The following PPP2R2D variants were observed in gnomAD, a reference collection of about 807,000 sequenced individuals.
The protein encoded by PPP2R2D is protein phosphatase 2 regulatory subunit Bdelta.
In PPP2R2D, 9 loss-of-function variants were observed where a neutral mutation model predicts 31.1. The observed-to-expected ratio is 0.29, with a 90% CI of 0.17 to 0.51. The LOEUF (loss-of-function observed/expected upper bound fraction) is 0.51, where lower values mean the gene tolerates loss of function less well. Ranked by LOEUF, PPP2R2D falls within the 20% of genes least tolerant of loss-of-function variation. The pLI is 0.98. For missense variants in PPP2R2D, 391 were observed against 465.6 expected (o/e 0.84, Z 1.48); for synonymous variants, 179 against 172.6 (o/e 1.04, Z -0.29).
At chr10:131,910,255 C>T (rs1019190948) in intron 2 of PPP2R2D, among the ~76,000 whole-genome samples, 4 of 152,174 alleles carry the variant, frequency 2.6e-5, no homozygotes, top group African/African-American at 9.6e-5. Flanking sequence ...TTGGTAACAT[C>T]ACACGGGGGT....
intron 3 of PPP2R2D, among the ~76,000 whole-genome samples, chr10:131,936,831 T>C (rs2036350228): frequency 6.6e-6 from 1 of 152,254 alleles, no homozygotes; most frequent in Non-Finnish European, 1.5e-5. Context: ...TTTTTTCTTT[T>C]TCTTCGTATT....
At chr10:131,909,796 T>C (rs1281289269) in intron 2 of PPP2R2D, among the ~76,000 whole-genome samples, 1 of 152,244 alleles carries the variant, frequency 6.6e-6, no homozygotes, top group African/African-American at 2.4e-5. Flanking sequence ...CTGTTGATGT[T>C]TTCTATATTT....
chr10:131,919,624 GTGTT>G (rs1369811897), intron 2 of PPP2R2D, among the ~76,000 whole-genome samples: 5 of 123,596 alleles, frequency 4.0e-5, no homozygotes, highest in East Asian at 2.8e-4. Context: ...GAATGACACA[GTGTT>G]TGTAGGGACC....
intron 2 of PPP2R2D, among the ~76,000 whole-genome samples, chr10:131,913,683 A>G (rs914404474): frequency 5.8e-4 from 88 of 152,292 alleles, no homozygotes; most frequent in African/African-American, 1.7e-3. Flanking sequence ...ATCTGAGAGT[A>G]CACTTACCAA....
chr10:131,923,329 TCAAA>T (rs141339143), intron 2 of PPP2R2D, among the ~76,000 whole-genome samples: 1,861 of 152,354 alleles, frequency 0.012, 17 homozygotes, highest in Admixed American at 0.024. Flanking sequence ...CCTTTCCTGG[TCAAA>T]CAGTTTTCCA....
intron 2 of PPP2R2D, among the ~76,000 whole-genome samples, chr10:131,925,457 T>A (rs2036087993): frequency 6.6e-6 from 1 of 152,256 alleles, no homozygotes; most frequent in African/African-American, 2.4e-5. Flanking sequence ...TGATTTGTTT[T>A]TGTATGTTAA....
chr10:131,930,987 T>G (rs782246999), intron 2 of PPP2R2D, among the ~76,000 whole-genome samples: 4 of 152,250 alleles, frequency 2.6e-5, no homozygotes, highest in Non-Finnish European at 5.9e-5. Context: ...TCCTCTTTCC[T>G]TCTTTAGCAT....
At chr10:131,928,252 G>C (rs1008934878) in intron 2 of PPP2R2D, among the ~76,000 whole-genome samples, 1 of 152,132 alleles carries the variant, frequency 6.6e-6, no homozygotes, top group African/African-American at 2.4e-5. Flanking sequence ...CACCTCCTGG[G>C]CTGCTAGGCC....
At chr10:131,952,766 ACTGT>A (rs2036695399) in intron 8 of PPP2R2D, among the ~76,000 whole-genome samples, 2 of 89,412 alleles carry the variant, frequency 2.2e-5, no homozygotes, top group African/African-American at 9.8e-5. Flanking sequence ...CGGGGGGTTC[ACTGT>A]CTTAGTGACT....
chr10:131,926,904 G>A (rs1336099929), intron 2 of PPP2R2D, among the ~76,000 whole-genome samples: 1 of 152,218 alleles, frequency 6.6e-6, no homozygotes, highest in Non-Finnish European at 1.5e-5. Flanking sequence ...TGCCAGAGTA[G>A]GGGTGCGTTG....
Position 131,947,161 on chromosome 10 carries a change from C to G in PPP2R2D, c.821-369C>G, listed in dbSNP as rs2036557989. Among the ~76,000 whole-genome samples the G allele has an allele frequency of 6.6e-6, 1 of 152,232 alleles. No individual in the cohort carries two copies. On this transcript the variant is annotated intron_variant, in intron 7 of 8. Transcript: ENST00000455566. The surrounding 1 kb of genome is among the most constrained non-coding windows in gnomAD (Gnocchi z 4.3). ...CTGGTGCCATGAGGACGCGGAGACA[C>G]TCCTACAGGAATGCGGTGGTGCTGA...
rs973847496 is a variant in PPP2R2D at position 131,907,800 on chromosome 10, C to T, written c.100+6470C>T. 1.1e-4 allele frequency among the ~76,000 whole-genome samples: 17 copies of T among 151,724 alleles called. 1 individual carries two copies. Among genetic ancestry groups the T allele is most frequent in the South Asian group, 2.1e-4 (1 of 4,816 alleles). On this transcript the variant is annotated intron_variant, in intron 2 of 8. Coordinates refer to ENST00000455566, the MANE Select transcript of PPP2R2D (RefSeq NM_018461.5). ...CATGCTTAGTACAGCCACATCTTAA[C>T]GCTCAGGAGGCTGGCCTGGTCATCG...
intron 3 of PPP2R2D, among the ~76,000 whole-genome samples, chr10:131,937,800 C>G (rs1554896689): frequency 1.3e-5 from 2 of 152,222 alleles, no homozygotes; most frequent in Non-Finnish European, 2.9e-5. Context: ...TTTGGTTCCA[C>G]TTTTCTCCCT....
chr10:131,948,167 T>C (rs1238248302), intron 8 of PPP2R2D, among the ~76,000 whole-genome samples: 2 of 152,214 alleles, frequency 1.3e-5, no homozygotes, highest in African/African-American at 4.8e-5. Flanking sequence ...CCTTTCCTTC[T>C]GGAGAGAAGT....
intron 2 of PPP2R2D, among the ~76,000 whole-genome samples, chr10:131,922,495 C>T (rs1421402384): frequency 2.7e-4 from 40 of 150,930 alleles, no homozygotes; most frequent in East Asian, 3.9e-4. Context: ...CACTGTCACC[C>T]GGGCTGGAGT....
chr10:131,901,020 C>CCGGCGGCGGCGGCGGCGGCGGCGG lies in PPP2R2D; in HGVS notation c.-126_-103dup, dbSNP rs1229531944. 2.1e-3 allele frequency: 331 copies of CCGGCGGCGGCGGCGGCGGCGGCGG among 154,106 alleles called. 1 individual carries two copies. Among genetic ancestry groups the CCGGCGGCGGCGGCGGCGGCGGCGG allele is most frequent in the Admixed American group, 9.7e-3 (145 of 14,886 alleles). 9.5% of individuals were successfully genotyped at this position (154,106 alleles called of 1,614,324 possible). The stretch of plus-strand genomic sequence containing the variant: ...TTTGAAAAGGGAAAAAAATCCCTCC[C>CCGGCGGCGGCGGCGGCGGCGGCGG]CGGCGGCGGCGGCGGCGGCGGCGGC... On this transcript the variant is annotated 5_prime_UTR_variant, in exon 1 of 9. Coordinates refer to ENST00000455566, the MANE Select transcript of PPP2R2D (RefSeq NM_018461.5).
At chr10:131,915,341 C>T (rs974424450) in intron 2 of PPP2R2D, among the ~76,000 whole-genome samples, 1 of 152,070 alleles carries the variant, frequency 6.6e-6, no homozygotes, top group Admixed American at 6.6e-5. Flanking sequence ...TTTGCAGTAA[C>T]CTGTGTACGG....
In PPP2R2D at chr10:131,956,470, C is replaced by A. The variant is rs1355860909; in HGVS notation, c.*507C>A. ...CCGAGCAGGCTCAGGCGGCCCCACT[C>A]ACCCACAGCATCCGCCGCCACCCCT... On this transcript the variant is annotated 3_prime_UTR_variant, in exon 9 of 9. Transcript: ENST00000455566. The A allele has an allele frequency of 2.0e-6, 2 of 985,502 alleles. No individual in the cohort carries two copies. Among genetic ancestry groups the A allele is most frequent in the Non-Finnish European group, 2.4e-6 (2 of 830,080 alleles). 61.0% of individuals were successfully genotyped at this position (985,502 alleles called of 1,614,324 possible).
At chr10:131,909,503 G>T (rs1288995689) in intron 2 of PPP2R2D, among the ~76,000 whole-genome samples, 1 of 152,204 alleles carries the variant, frequency 6.6e-6, no homozygotes, top group Non-Finnish European at 1.5e-5. Flanking sequence ...AAGTATCTTA[G>T]ACTTTCAGGC....
Sources: gnomAD v4.1 joint callset for allele counts (sites outside exome capture counted in the v4.1 genomes callset) on GRCh38, gnomAD v4.1.1 for gene constraint, Gnocchi (gnomAD v3.1) non-coding constraint, MANE v1.5 for transcripts, NCBI Gene and HGNC (gene_info 2026-07-23, HGNC 2026-07-21) for gene names.